PIBF1: variants seen among roughly 807,000 people sequenced by gnomAD.
PIBF1 encodes progesterone immunomodulatory binding factor 1.
In PIBF1, 90 loss-of-function variants were observed where a neutral mutation model predicts 112.5. The observed-to-expected ratio is 0.80, with a 90% CI of 0.67 to 0.95. The LOEUF is 0.95. Ranked by LOEUF, PIBF1 falls within the 40% of genes least tolerant of loss-of-function variation. The pLI, the probability that PIBF1 is intolerant of heterozygous loss-of-function variation, is 0.00. For missense variants in PIBF1, 915 were observed against 852.3 expected, an observed-to-expected ratio of 1.07 and a Z score of -0.92; for synonymous variants, 301 against 288.6, an observed-to-expected ratio of 1.04 and a Z score of -0.44.
At chr13:73,014,742 G>GTGTA (rs1306696309) in intron 17 of PIBF1, among the ~76,000 whole-genome samples, 3 of 134,578 alleles carry the variant, frequency 2.2e-5, no homozygotes, top group African/African-American at 8.5e-5. Context: ...CCAGGCTTGA[G>GTGTA]TGTAGTGGCA....
At chr13:72,975,608 A>G (rs996901999) in intron 16 of PIBF1, among the ~76,000 whole-genome samples, 8 of 152,158 alleles carry the variant, frequency 5.3e-5, no homozygotes, top group African/African-American at 1.9e-4. Flanking sequence ...ATGGGTGAAA[A>G]GGATGAGAAA....
intron 10 of PIBF1, among the ~76,000 whole-genome samples, chr13:72,893,414 G>C (rs193216493): frequency 6.6e-6 from 1 of 152,136 alleles, no homozygotes; most frequent in Admixed American, 6.5e-5. Context: ...TTAGACTTAG[G>C]ATGAAATAGC....
At chr13:73,009,597 G>C (rs2044135617) in intron 17 of PIBF1, among the ~76,000 whole-genome samples, 1 of 152,200 alleles carries the variant, frequency 6.6e-6, no homozygotes, top group South Asian at 2.1e-4. Context: ...AGATCCTAAA[G>C]GGGCCAGTCT....
intron 10 of PIBF1, among the ~76,000 whole-genome samples, chr13:72,873,952 A>G (rs1051242394): frequency 2.0e-5 from 3 of 152,190 alleles, no homozygotes; most frequent in African/African-American, 7.2e-5. Context: ...CAGCCACTTC[A>G]TGAAAGTAGA....
chr13:72,944,149 A>G (rs2138827740), intron 14 of PIBF1, among the ~76,000 whole-genome samples: 1 of 152,216 alleles, frequency 6.6e-6, no homozygotes, highest in East Asian at 1.9e-4. Context: ...TTGCCTATAT[A>G]GGAGTATTCA....
intron 8 of PIBF1, among the ~76,000 whole-genome samples, chr13:72,830,574 G>A (rs141766363): frequency 2.6e-5 from 4 of 152,068 alleles, no homozygotes; most frequent in Admixed American, 6.6e-5. Flanking sequence ...GATGGATTAC[G>A]TTTATTGATT....
chr13:72,837,009 AT>A (rs2037390801), intron 9 of PIBF1, among the ~76,000 whole-genome samples: 1 of 151,914 alleles, frequency 6.6e-6, no homozygotes. Context: ...TTCTTCTCTT[AT>A]TTGAGCTTTA....
At chr13:72,813,874 C>G (rs1351181130) in intron 5 of PIBF1, among the ~76,000 whole-genome samples, 1 of 152,016 alleles carries the variant, frequency 6.6e-6, no homozygotes, top group African/African-American at 2.4e-5. Flanking sequence ...TGAGATTTCT[C>G]TCCCCTGACT....
At chr13:72,890,077 A>G (rs1277250921) in intron 10 of PIBF1, among the ~76,000 whole-genome samples, 1 of 152,216 alleles carries the variant, frequency 6.6e-6, no homozygotes, top group Non-Finnish European at 1.5e-5. Context: ...GTGGCTTAAT[A>G]CATCAGAGTC....
At chr13:72,990,788 C>T (rs2043454853) in intron 16 of PIBF1, among the ~76,000 whole-genome samples, 1 of 152,096 alleles carries the variant, frequency 6.6e-6, no homozygotes, top group African/African-American at 2.4e-5. Context: ...GTGGAGGTTG[C>T]AGTGAGCCAA....
intron 10 of PIBF1, chr13:72,884,342 A>C (rs2039761483): frequency 6.6e-6 from 1 of 152,166 alleles, no homozygotes. Context: ...TTAATATCGC[A>C]AGCCTCTCAC....
At chr13:72,841,712 C>T (rs568662437) in intron 9 of PIBF1, among the ~76,000 whole-genome samples, 1 of 152,118 alleles carries the variant, frequency 6.6e-6, no homozygotes, top group East Asian at 1.9e-4. Flanking sequence ...CAAGGCTGCA[C>T]TGAGCCAAGA....
At chr13:72,899,986 G>T (rs4883920) in intron 11 of PIBF1, among the ~76,000 whole-genome samples, 41,129 of 151,856 alleles carry the variant, frequency 0.27, 6,756 homozygotes, top group East Asian at 0.47. Flanking sequence ...GTCAAATCAA[G>T]AACTCAACCC....
intron 10 of PIBF1, among the ~76,000 whole-genome samples, chr13:72,860,261 A>G (rs2038630373): frequency 6.6e-6 from 1 of 151,528 alleles, no homozygotes; most frequent in East Asian, 1.9e-4. Context: ...TTTTGAGGAT[A>G]TTATTTAAAA....
intron 17 of PIBF1, among the ~76,000 whole-genome samples, chr13:73,001,514 A>G (rs55923907): frequency 0.34 from 50,566 of 149,080 alleles, 8,996 homozygotes; most frequent in Non-Finnish European, 0.4. Context: ...GCCACACAAA[A>G]CTACTGTTAA....
intron 10 of PIBF1, among the ~76,000 whole-genome samples, chr13:72,873,702 C>A (rs991811810): frequency 6.6e-6 from 1 of 151,882 alleles, no homozygotes; most frequent in East Asian, 1.9e-4. Context: ...CTAAGAAAAA[C>A]TTGATATTCC....
At chr13:72,935,961 A>AT (rs1444363264) in intron 14 of PIBF1, among the ~76,000 whole-genome samples, 1 of 151,534 alleles carries the variant, frequency 6.6e-6, no homozygotes, top group Admixed American at 6.6e-5. Context: ...ATTTACAAAT[A>AT]TTTTTTCCCA....
chr13:72,879,551 GT>G (rs1566396825), intron 10 of PIBF1, among the ~76,000 whole-genome samples: 1 of 152,208 alleles, frequency 6.6e-6, no homozygotes, highest in Non-Finnish European at 1.5e-5. Context: ...AAAGAAGGCA[GT>G]TTTTAGAATG....
At chr13:72,914,937 G>A (rs1194080630) in intron 12 of PIBF1, among the ~76,000 whole-genome samples, 1 of 152,020 alleles carries the variant, frequency 6.6e-6, no homozygotes, top group African/African-American at 2.4e-5. Context: ...TAATTTTTCT[G>A]TACAGTTGCT....
Sources: gnomAD v4.1 joint callset for allele counts (sites outside exome capture counted in the v4.1 genomes callset) on GRCh38, gnomAD v4.1.1 for gene constraint, MANE v1.5 for transcripts, NCBI Gene and HGNC (gene_info 2026-07-23, HGNC 2026-07-21) for gene names.